The following PCBP3 variants were observed in gnomAD, a reference collection of about 807,000 sequenced individuals.
PCBP3 encodes poly(rC)-binding protein 3.
In PCBP3, 25 loss-of-function variants were observed where a neutral mutation model predicts 52.7. That is an observed-to-expected ratio of 0.47 (90% confidence interval 0.35 to 0.66). PCBP3 has a LOEUF of 0.66. Ranked by LOEUF, PCBP3 falls within the 30% of genes least tolerant of loss-of-function variation. PCBP3 has a pLI of 0.01. For synonymous variants in PCBP3, 162 were observed against 183.0 expected, an observed-to-expected ratio of 0.89 and a Z score of 0.93; for missense variants, 391 against 490.3, an observed-to-expected ratio of 0.80 and a Z score of 1.91.
intron 1 of PCBP3, among the ~76,000 whole-genome samples, chr21:45,645,696 A>G (rs896297374): frequency 3.3e-5 from 5 of 152,198 alleles, no homozygotes; most frequent in African/African-American, 1.2e-4. Context: ...TCTTGAACCA[A>G]TCTAGCTATT....
At position 45,913,464 on chromosome 21, in the gene PCBP3, C is replaced by T. The variant is rs1229867541; in HGVS notation, c.601-487C>T. Among the ~76,000 whole-genome samples the T allele has an allele frequency of 9.2e-5, 14 of 152,290 alleles. No homozygotes were observed. The East Asian group carries it at 2.7e-3, about 29-fold the overall frequency. ...AGAGAATTGCTCCAAGGGGCAGCTC[C>T]CTGTGAAGCCGTGCAGCCAGGCCTG... On this transcript the variant is annotated intron_variant, in intron 11 of 17. Transcript: ENST00000681687.
chr21:45,816,006 GA>G (rs2092933218), intron 4 of PCBP3, among the ~76,000 whole-genome samples: 17 of 130,868 alleles, frequency 1.3e-4, no homozygotes, highest in African/African-American at 3.9e-4. Context: ...GGTGAGTGGT[GA>G]GTGAGTGGTG....
chr21:45,723,525 A>G (rs1242386312), intron 2 of PCBP3, among the ~76,000 whole-genome samples: 1 of 152,280 alleles, frequency 6.6e-6, no homozygotes, highest in Non-Finnish European at 1.5e-5. Context: ...GTAAATCATT[A>G]CAAGTTGATA....
intron 4 of PCBP3, among the ~76,000 whole-genome samples, chr21:45,812,561 C>T (rs1185693507): frequency 6.6e-6 from 1 of 152,102 alleles, no homozygotes; most frequent in Non-Finnish European, 1.5e-5. Flanking sequence ...ACCAACACAC[C>T]CGGCTAATTT....
At chr21:45,671,153 C>T (rs2081146422) in intron 2 of PCBP3, among the ~76,000 whole-genome samples, 1 of 152,170 alleles carries the variant, frequency 6.6e-6, no homozygotes, top group African/African-American at 2.4e-5. Context: ...CAGTTGCTTC[C>T]CAGTTTCAAT....
intron 2 of PCBP3, among the ~76,000 whole-genome samples, chr21:45,686,519 T>C (rs1218118227): frequency 6.6e-6 from 1 of 152,160 alleles, no homozygotes; most frequent in Non-Finnish European, 1.5e-5. Flanking sequence ...TCTACAGTCA[T>C]CTAAAGCTAT....
At chr21:45,713,266 T>A (rs968458264) in intron 2 of PCBP3, among the ~76,000 whole-genome samples, 1 of 152,210 alleles carries the variant, frequency 6.6e-6, no homozygotes, top group African/African-American at 2.4e-5. Context: ...TTCCTTGGCC[T>A]CGCATTCCAG....
At chr21:45,806,232 A>G (rs1329827874) in intron 4 of PCBP3, among the ~76,000 whole-genome samples, 1 of 152,176 alleles carries the variant, frequency 6.6e-6, no homozygotes, top group Non-Finnish European at 1.5e-5. Flanking sequence ...CCCGTGCTGG[A>G]TGGAACGGCG....
intron 2 of PCBP3, among the ~76,000 whole-genome samples, chr21:45,715,032 AAATG>A (rs1278480209): frequency 1.3e-5 from 2 of 152,226 alleles, no homozygotes; most frequent in African/African-American, 4.8e-5. Context: ...TTCAACATTA[AAATG>A]AATGAATTAA....
At chr21:45,918,080 TCC>T in intron 13 of PCBP3, 1 of 260,352 alleles carries the variant, frequency 3.8e-6, no homozygotes, top group Non-Finnish European at 7.5e-6. Flanking sequence ...CCTTTCAGAG[TCC>T]ACATGAAAAC....
intron 2 of PCBP3, among the ~76,000 whole-genome samples, chr21:45,686,580 G>A (rs1253347748): frequency 6.6e-6 from 1 of 152,138 alleles, no homozygotes; most frequent in Non-Finnish European, 1.5e-5. Flanking sequence ...AGGAAAAGCA[G>A]TCAATAGGAA....
At chr21:45,920,397 CAT>C (rs541507912) in intron 13 of PCBP3, among the ~76,000 whole-genome samples, 41 of 152,356 alleles carry the variant, frequency 2.7e-4, no homozygotes, top group Non-Finnish European at 4.6e-4. Flanking sequence ...TGCTCTTTCT[CAT>C]GTGACTTTCT....
At chr21:45,757,465 T>G (rs2088172198) in intron 4 of PCBP3, among the ~76,000 whole-genome samples, 1 of 152,232 alleles carries the variant, frequency 6.6e-6, no homozygotes, top group South Asian at 2.1e-4. Flanking sequence ...TTTTCTTTCA[T>G]TTAGTAGGTT....
At chr21:45,767,544 G>A (rs1310504167) in intron 4 of PCBP3, among the ~76,000 whole-genome samples, 1 of 152,172 alleles carries the variant, frequency 6.6e-6, no homozygotes, top group Non-Finnish European at 1.5e-5. Flanking sequence ...TTCCTTAGGA[G>A]TGGACCTGGG....
chr21:45,834,189 G>A (rs1458241414), intron 4 of PCBP3, among the ~76,000 whole-genome samples: 1 of 152,158 alleles, frequency 6.6e-6, no homozygotes, highest in South Asian at 2.1e-4. Flanking sequence ...CAGACTCCAA[G>A]CAAGGCCAGG....
At chr21:45,699,612 G>C (rs889025971) in intron 2 of PCBP3, among the ~76,000 whole-genome samples, 3 of 152,222 alleles carry the variant, frequency 2.0e-5, no homozygotes, top group Non-Finnish European at 4.4e-5. Flanking sequence ...ACAAAAGGAA[G>C]AGGTTTAATT....
intron 5 of PCBP3, among the ~76,000 whole-genome samples, chr21:45,850,453 G>A (rs2093951252): frequency 6.6e-6 from 1 of 152,122 alleles, no homozygotes; most frequent in African/African-American, 2.4e-5. Flanking sequence ...AGATCGTCCT[G>A]AGGTGTTTGG....
intron 17 of PCBP3, among the ~76,000 whole-genome samples, chr21:45,941,369 G>T (rs1047993127): frequency 6.6e-6 from 1 of 152,188 alleles, no homozygotes; most frequent in Admixed American, 6.5e-5. Flanking sequence ...GTGAGGCTGG[G>T]AAGGCCCTGA....
At chr21:45,831,849 T>TACA (rs1284268802) in intron 4 of PCBP3, among the ~76,000 whole-genome samples, 4 of 152,206 alleles carry the variant, frequency 2.6e-5, no homozygotes, top group African/African-American at 9.6e-5. Flanking sequence ...TAGCTGGGAT[T>TACA]ACAGGCATGT....
Sources: gnomAD v4.1 joint callset for allele counts (sites outside exome capture counted in the v4.1 genomes callset) on GRCh38, gnomAD v4.1.1 for gene constraint, MANE v1.5 for transcripts, NCBI Gene and HGNC (gene_info 2026-07-23, HGNC 2026-07-21) for gene names.